The following USP43 variants were observed in gnomAD, a reference collection of about 807,000 sequenced individuals.
The protein encoded by USP43 is ubiquitin carboxyl-terminal hydrolase 43.
USP43 carries 33 observed loss-of-function variants against 90.7 expected under a neutral mutation model. The ratio of observed to expected loss-of-function variants is 0.36; its 90% confidence interval spans 0.28 to 0.49. USP43 has a LOEUF of 0.49. Among genes scored for constraint, USP43 ranks in the 20% least tolerant of loss-of-function variants. The pLI is 0.98. For synonymous variants in USP43, 598 were observed against 615.8 expected, an observed-to-expected ratio of 0.97 and a Z score of 0.43; for missense variants, 1,274 against 1,476.4, an observed-to-expected ratio of 0.86 and a Z score of 2.25.
At chr17:9,666,613 A>G (rs1913051926) in intron 2 of USP43, 35 bp from the exon 3 acceptor site, 3 of 1,553,362 alleles carry the variant, frequency 1.9e-6, no homozygotes, top group Non-Finnish European at 2.6e-6. Flanking sequence ...TGAGAGGTGT[A>G]TCTAATCTGG....
Position 9,645,810 on chromosome 17 carries a change from G to C in USP43, c.178G>C (p.Gly60Arg), listed in dbSNP as rs1039977841. 4 of 1,389,326 alleles carry C rather than the reference G, an allele frequency of 2.9e-6. No individual in the cohort carries two copies. In the South Asian group the frequency reaches 5.1e-5, roughly 18 times the overall value. The allele number at this position is 1,389,326 out of a possible 1,614,324, so 86.1% of individuals were successfully genotyped here. The change falls in exon 1 of 15, where the codon GGC (glycine) becomes CGC (arginine). Residue 60 changes from glycine to arginine, a missense_variant. Physicochemically the swap from Gly to Arg is moderately radical, Grantham distance 125 (BLOSUM62 -2). Around this residue, in one of 6 missense-constraint regions of USP43, gnomAD observed 112 missense variants for 106.6 expected, o/e 1.05. Transcript: ENST00000285199. The surrounding 1 kb of genome is among the most constrained non-coding windows in gnomAD (Gnocchi z 6.8). The part of the protein sequence containing the change: ...PGHCDGDGEG[G>R]FACAPGPVPA... ...ACACTGTGATGGCGACGGTGAGGGGGGCTTCGCCTGCGCCCCGGGCCCAGT... is the reference window on the plus strand; with the variant it reads ...ACACTGTGATGGCGACGGTGAGGGGCGCTTCGCCTGCGCCCCGGGCCCAGT...
At chr17:9,678,603 G>C (rs1413599611) in intron 5 of USP43, among the ~76,000 whole-genome samples, 1 of 152,024 alleles carries the variant, frequency 6.6e-6, no homozygotes, top group African/African-American at 2.4e-5. Flanking sequence ...ACCTCCCAAA[G>C]TGTTGGGATT....
Position 9,711,968 on chromosome 17 carries a change from G to A in USP43, c.2171G>A (p.Gly724Asp). 6.2e-7 allele frequency: 1 copy of A among 1,601,306 alleles called. No homozygotes were observed. Among genetic ancestry groups the A allele is most frequent in the Non-Finnish European group, 8.5e-7 (1 of 1,173,524 alleles). ...CTCCCTCTCTGTGTTTCCTCCACAG[G>A]CTCTACCAGCTCCTCCCTGTCTGAT... ...PPWSASSSMR[G>D]STSSSLSDHW... Residue 724 changes from glycine to aspartate, a missense_variant and splice_region_variant, in exon 14 of 15, where the codon GGC becomes GAC. Physicochemically the swap from Gly to Asp is moderately conservative, Grantham distance 94. This residue lies in a region of USP43 where 285 missense variants were observed against 349.6 expected (regional missense o/e 0.82). Coordinates refer to ENST00000285199, the MANE Select transcript of USP43 (RefSeq NM_153210.5).
chr17:9,694,500 T>C (rs1046331695), intron 9 of USP43, among the ~76,000 whole-genome samples: 3 of 152,232 alleles, frequency 2.0e-5, no homozygotes, highest in African/African-American at 7.2e-5. Context: ...TTACGAATGT[T>C]AAAGCAATAT....
chr17:9,666,810 G>A, intron 3 of USP43, 59 bp downstream of exon 3: 1 of 1,348,570 alleles, frequency 7.4e-7, no homozygotes, highest in South Asian at 1.2e-5. Context: ...TCAATTCCTG[G>A]TAACCAGTCT....
chr17:9,674,948 G>C lies in USP43; in HGVS notation c.798G>C (p.Leu266=). The C allele has an allele frequency of 3.7e-6, 6 of 1,614,018 alleles. No homozygotes were observed. Among genetic ancestry groups the C allele is most frequent in the Non-Finnish European group, 5.1e-6 (6 of 1,179,898 alleles). The change falls in exon 4 of 15, where the codon CTG becomes CTC. Residue 266 remains leucine (L), a synonymous_variant. Coordinates refer to ENST00000285199, the MANE Select transcript of USP43 (RefSeq NM_153210.5). This position sits in a 1 kb window ranked among gnomAD's most constrained non-coding sequence, Gnocchi z 4.4. ...LKQSNTFDPF[L]CVSLPIPLRQ... ...AGAGCAACACCTTTGATCCTTTCCTGTGTGTGTCCCTACCTATCCCCTTGC... is the reference window on the plus strand; with the variant it reads ...AGAGCAACACCTTTGATCCTTTCCTCTGTGTGTCCCTACCTATCCCCTTGC...
intron 12 of USP43, among the ~76,000 whole-genome samples, chr17:9,707,244 G>T (rs968906725): frequency 2.0e-5 from 3 of 152,126 alleles, no homozygotes; most frequent in Admixed American, 1.3e-4. Context: ...GTGTTTATGT[G>T]TACATACATA....
intron 8 of USP43, among the ~76,000 whole-genome samples, chr17:9,692,078 G>C (rs1914990151): frequency 6.6e-6 from 1 of 150,632 alleles, no homozygotes; most frequent in Non-Finnish European, 1.5e-5. Flanking sequence ...TTAATTGTAG[G>C]CTGGACGTGG....
At chr17:9,667,644 G>A (rs978965997) in intron 3 of USP43, among the ~76,000 whole-genome samples, 2 of 152,106 alleles carry the variant, frequency 1.3e-5, no homozygotes, top group Non-Finnish European at 2.9e-5. Context: ...ATAGAAGTAC[G>A]AATGGGTAGG....
intron 1 of USP43, among the ~76,000 whole-genome samples, chr17:9,649,522 C>T (rs529157483): frequency 1.4e-4 from 22 of 151,776 alleles, no homozygotes; most frequent in African/African-American, 5.1e-4. Flanking sequence ...GGCCCTTGTC[C>T]CCTGCCTCCC....
At chr17:9,669,162 C>G (rs1913235063) in intron 3 of USP43, among the ~76,000 whole-genome samples, 1 of 152,104 alleles carries the variant, frequency 6.6e-6, no homozygotes, top group Non-Finnish European at 1.5e-5. Context: ...GTCTCCTCTT[C>G]AGGTGCCCAA....
At position 9,674,869 on chromosome 17, in the gene USP43, CCT is replaced by C. The variant is rs757410787; in HGVS notation, c.741-19_741-18del. The C allele has an allele frequency of 2.4e-5, 38 of 1,603,192 alleles. 1 individual carries two copies. Among genetic ancestry groups the C allele is most frequent in the Admixed American group, 3.3e-5 (2 of 59,954 alleles). ...TTGTTTACGTGTGATTAAACGTTCG[CCT>C]CTGTTCTTCACCCTCACAGATCTTC... On this transcript the variant is annotated intron_variant, in intron 3 of 14. Coordinates refer to ENST00000285199, the MANE Select transcript of USP43 (RefSeq NM_153210.5). The surrounding 1 kb of genome is among the most constrained non-coding windows in gnomAD (Gnocchi z 4.4).
chr17:9,678,595 C>T (rs557878686), intron 5 of USP43, among the ~76,000 whole-genome samples: 1 of 152,306 alleles, frequency 6.6e-6, no homozygotes, highest in South Asian at 2.1e-4. Flanking sequence ...CCGCCTCAAC[C>T]TCCCAAAGTG....
Position 9,728,934 on chromosome 17 carries a change from A to G in USP43, c.3316A>G (p.Lys1106Glu), listed in dbSNP as rs1204031028. Residue 1106 changes from lysine (K) to glutamate (E), a missense_variant, in exon 15 of 15, where the codon AAA (lysine) becomes GAA (glutamate). Physicochemically the swap from Lys to Glu is moderately conservative, Grantham distance 56. This residue lies in a region of USP43 where 353 missense variants were observed against 329.7 expected (regional missense o/e 1.07). Transcript: ENST00000285199. The surrounding 1 kb of genome is among the most constrained non-coding windows in gnomAD (Gnocchi z 6.2). ...QASYGTFQRV[K>E]YHTLSLGRKK... ...TTCTTATGGCACCTTTCAGAGAGTC[A>G]AATATCACACTCTTTCTTTAGGTCG... The G allele has an allele frequency of 5.6e-6, 9 of 1,606,134 alleles. No homozygotes were observed. Among genetic ancestry groups the G allele is most frequent in the African/African-American group, 2.7e-5 (2 of 74,562 alleles).
intron 6 of USP43, 108 bp downstream of exon 6, chr17:9,680,474 C>T: frequency 7.7e-7 from 1 of 1,294,010 alleles, no homozygotes; most frequent in Non-Finnish European, 1.1e-6. Flanking sequence ...GCACTTGGAA[C>T]AGTCAGACTT....
intron 5 of USP43, 113 bp downstream of exon 5, chr17:9,676,994 A>C (rs1054065317): frequency 2.2e-6 from 3 of 1,357,448 alleles, no homozygotes; most frequent in Non-Finnish European, 3.0e-6. Context: ...AGTATGACTC[A>C]TGGGTTTCTG....
At chr17:9,711,484 A>G (rs1468298266) in intron 13 of USP43, among the ~76,000 whole-genome samples, 2 of 152,162 alleles carry the variant, frequency 1.3e-5, no homozygotes, top group East Asian at 1.9e-4. Flanking sequence ...GCTGGAGTAC[A>G]GTAGCGCGAT....
At chr17:9,650,436 T>C (rs982515897) in intron 1 of USP43, among the ~76,000 whole-genome samples, 2 of 152,174 alleles carry the variant, frequency 1.3e-5, no homozygotes, top group Non-Finnish European at 2.9e-5. Context: ...AGAGTCTCAC[T>C]CTGTCGCCCA....
rs1047801588 is a variant in USP43 at position 9,701,706 on chromosome 17, C to T, written c.2011+6C>T. The T allele has an allele frequency of 4.0e-6, 6 of 1,515,672 alleles. No individual in the cohort carries two copies. The highest frequency in any genetic ancestry group is 4.4e-6 in the Non-Finnish European group (5 of 1,126,984). 93.9% of individuals were successfully genotyped at this position (1,515,672 alleles called of 1,614,324 possible). ...GCAAGGTGGGCATTACACAGGTGAG[C>T]CTTGCCTTGCCTTTCTGCAAATGCA... is the stretch of plus-strand genomic sequence containing the variant. On this transcript the variant is annotated splice_donor_region_variant and intron_variant, in intron 12 of 14. Transcript: ENST00000285199. This position sits in a 1 kb window ranked among gnomAD's most constrained non-coding sequence, Gnocchi z 7.2.
Sources: gnomAD v4.1 joint callset for allele counts (sites outside exome capture counted in the v4.1 genomes callset) on GRCh38, gnomAD v4.1.1 for gene constraint, gnomAD v4.1.1 regional missense constraint, Gnocchi (gnomAD v3.1) non-coding constraint, MANE v1.5 for transcripts, NCBI Gene and HGNC (gene_info 2026-07-23, HGNC 2026-07-21) for gene names.